Variants in MINK1 observed in about 807,000 individuals in gnomAD.
MINK1 encodes misshapen like kinase 1, also known as misshapen-like kinase 1.
MINK1 carries 46 observed loss-of-function variants against 178.4 expected under a neutral mutation model. That is an observed-to-expected ratio of 0.26 (90% CI 0.20 to 0.33). The LOEUF (loss-of-function observed/expected upper bound fraction) is 0.33, where lower values mean the gene tolerates loss of function less well. Ranked by LOEUF, MINK1 falls within the 10% of genes least tolerant of loss-of-function variation. The probability of loss-of-function intolerance (pLI) is 1.00; values close to 1 mark genes in which losing one functional copy is unlikely to be tolerated. For synonymous variants in MINK1, 797 were observed against 709.7 expected (o/e 1.12, Z -1.96); for missense variants, 1,366 against 1,814.9 (o/e 0.75, Z 4.49).
chr17:4,887,325 G>A lies in MINK1; in HGVS notation c.1019+146G>A. 2 of 876,442 alleles carry A rather than the reference G, an allele frequency of 2.3e-6. No individual in the cohort carries two copies. Among genetic ancestry groups the A allele is most frequent in the East Asian group, 5.3e-5 (2 of 37,670 alleles). The allele number at this position is 876,442 out of a possible 1,614,324, so 54.3% of individuals were successfully genotyped here. ...TGGAAACCAAATTTCTGAGTGCTAA[G>A]AAGTGGAACCAATGACTGAGCAAGA... On this transcript the variant is annotated intron_variant, in intron 11 of 31. Coordinates refer to ENST00000355280, the MANE Select transcript of MINK1 (RefSeq NM_153827.5). This position sits in a 1 kb window ranked among gnomAD's most constrained non-coding sequence, Gnocchi z 7.6.
chr17:4,841,051 A>C (rs1390036526), intron 1 of MINK1, among the ~76,000 whole-genome samples: 2 of 152,152 alleles, frequency 1.3e-5, no homozygotes, highest in Non-Finnish European at 2.9e-5. Flanking sequence ...GAGATAGCTG[A>C]GACCTCAGGT....
At chr17:4,893,215 T>TC (rs1567620051) in intron 20 of MINK1, 148 bp downstream of exon 20, 6 of 1,593,272 alleles carry the variant, frequency 3.8e-6, no homozygotes, top group African/African-American at 2.7e-5. Context: ...GTGCTAACCT[T>TC]TCCTAACCTC....
intron 1 of MINK1, among the ~76,000 whole-genome samples, chr17:4,843,940 G>A (rs950699958): frequency 1.3e-5 from 2 of 152,068 alleles, no homozygotes; most frequent in Non-Finnish European, 2.9e-5. Context: ...AGGACAGGAG[G>A]GCAGTGTGTA....
At chr17:4,897,172 C>T in intron 31 of MINK1, 32 bp from the exon 32 acceptor site, 1 of 1,595,806 alleles carries the variant, frequency 6.3e-7, no homozygotes, top group Non-Finnish European at 8.6e-7. Context: ...CCAACCTCAG[C>T]CCTTGGTGAC....
chr17:4,862,382 C>T (rs777329861), intron 1 of MINK1, among the ~76,000 whole-genome samples: 1 of 151,948 alleles, frequency 6.6e-6, no homozygotes, highest in East Asian at 1.9e-4. Context: ...GGGCCAGGCA[C>T]GGTGGCTCAC....
intron 1 of MINK1, among the ~76,000 whole-genome samples, chr17:4,851,664 G>A (rs1474151945): frequency 2.0e-5 from 3 of 151,792 alleles, no homozygotes; most frequent in Non-Finnish European, 2.9e-5. Context: ...TAGTGTTCCC[G>A]TGTGGTTTTT....
chr17:4,877,912 G>A (rs1195533671), intron 1 of MINK1, among the ~76,000 whole-genome samples: 2 of 149,130 alleles, frequency 1.3e-5, no homozygotes, highest in East Asian at 2.0e-4. Context: ...CCAGGTTCAC[G>A]CCATTCTCCT....
intron 2 of MINK1, among the ~76,000 whole-genome samples, chr17:4,880,349 G>A (rs150230341): frequency 0.013 from 1,871 of 149,302 alleles, 33 homozygotes; most frequent in African/African-American, 0.042. Context: ...CCAGGTGGGA[G>A]TGCAGTGGCA....
chr17:4,896,931 G>A lies in MINK1; in HGVS notation c.3915+118G>A. ...GGCTTCCTGAAAGCGGGCCCCTCTGGGAGCTCAGAGGGCAGTCAGCCACTA... is the reference window on the plus strand; with the variant it reads ...GGCTTCCTGAAAGCGGGCCCCTCTGAGAGCTCAGAGGGCAGTCAGCCACTA... On this transcript the variant is annotated intron_variant, in intron 31 of 31. Transcript: ENST00000355280. This position sits in a 1 kb window ranked among gnomAD's most constrained non-coding sequence, Gnocchi z 4.6. The A allele has an allele frequency of 2.2e-6, 3 of 1,344,080 alleles. No individual in the cohort carries two copies. The highest frequency in any genetic ancestry group is 2.5e-5 in the East Asian group (1 of 39,556). The allele number at this position is 1,344,080 out of a possible 1,614,324, so 83.3% of individuals were successfully genotyped here. A position where few individuals can be genotyped will look rare whatever the true frequency, so the allele number is the denominator to read the frequency against.
chr17:4,863,532 G>C (rs978788841), intron 1 of MINK1, among the ~76,000 whole-genome samples: 1 of 152,110 alleles, frequency 6.6e-6, no homozygotes, highest in South Asian at 2.1e-4. Flanking sequence ...TGGAAAACCC[G>C]GTCCTTTAGG....
At chr17:4,866,388 A>C (rs1914967036) in intron 1 of MINK1, among the ~76,000 whole-genome samples, 1 of 151,434 alleles carries the variant, frequency 6.6e-6, no homozygotes. Context: ...AATCGCTTGA[A>C]CTAGGAAGTT....
intron 1 of MINK1, among the ~76,000 whole-genome samples, chr17:4,871,960 C>T (rs1915908200): frequency 6.6e-6 from 1 of 152,154 alleles, no homozygotes; most frequent in African/African-American, 2.4e-5. Context: ...GATCCTCCTG[C>T]CTCAGCCTCC....
chr17:4,889,715 G>A lies in MINK1; in HGVS notation c.1299G>A (p.Met433Ile). 16 of 1,554,416 alleles carry A rather than the reference G, an allele frequency of 1.0e-5. No homozygotes were observed. The highest frequency in any genetic ancestry group is 1.3e-5 in the Non-Finnish European group (15 of 1,152,162). The change falls in exon 13 of 32, where the codon ATG becomes ATA. Residue 433 changes from methionine (M) to isoleucine (I), a missense_variant. Met to Ile is a conservative substitution (Grantham distance 10). Transcript: ENST00000355280. Reference protein sequence around the residue: ...EKEQQRRLEDMQALRREEERR... With the variant: ...EKEQQRRLEDIQALRREEERR... ...AGCAGCAGCGGCGGCTGGAGGACAT[G>A]CAGGCTCTGCGGCGGGAGGAGGAGC...
In MINK1 at chr17:4,886,103, G is replaced by T; in HGVS notation, c.695-17G>T. The stretch of plus-strand genomic sequence containing the variant: ...CAGTGCAGTGAAAGGGACTGAGGGT[G>T]TCTCCTCTGTGTCCAGCTCTGTGTG... On this transcript the variant is annotated splice_polypyrimidine_tract_variant and intron_variant, in intron 8 of 31. Coordinates refer to ENST00000355280, the MANE Select transcript of MINK1 (RefSeq NM_153827.5). This position sits in a 1 kb window ranked among gnomAD's most constrained non-coding sequence, Gnocchi z 6.1. The T allele has an allele frequency of 6.2e-7, 1 of 1,613,500 alleles. No homozygotes were observed. The highest frequency in any genetic ancestry group is 8.5e-7 in the Non-Finnish European group (1 of 1,179,458).
rs757792390 is a variant in MINK1 at position 4,895,960 on chromosome 17, C to A, written c.3365-43C>A. 6.4e-7 allele frequency: 1 copy of A among 1,570,296 alleles called. No homozygotes were observed. Among genetic ancestry groups the A allele is most frequent in the Non-Finnish European group, 8.6e-7 (1 of 1,157,938 alleles). ...AGACCACGGGGAGGCGCCCGTGGCG[C>A]AAGAAGGGAAGTCTCAGCATCCCTC... is the stretch of plus-strand genomic sequence containing the variant. On this transcript the variant is annotated intron_variant, in intron 27 of 31. Transcript: ENST00000355280. This position sits in a 1 kb window ranked among gnomAD's most constrained non-coding sequence, Gnocchi z 4.3.
At chr17:4,880,844 G>A in intron 2 of MINK1, 140 bp from the exon 3 acceptor site, 1 of 729,370 alleles carries the variant, frequency 1.4e-6, no homozygotes, top group East Asian at 3.0e-5. Context: ...AGCAGGCAGT[G>A]AGCCGAGATC....
In MINK1 at chr17:4,887,444, C is replaced by A; in HGVS notation, c.1020-136C>A. The A allele has an allele frequency of 1.2e-6, 1 of 860,368 alleles. No individual in the cohort carries two copies. 53.3% of individuals were successfully genotyped at this position (860,368 alleles called of 1,614,324 possible). A position where few individuals can be genotyped will look rare whatever the true frequency, so the allele number is the denominator to read the frequency against. On this transcript the variant is annotated intron_variant, in intron 11 of 31. Coordinates refer to ENST00000355280, the MANE Select transcript of MINK1 (RefSeq NM_153827.5). This position sits in a 1 kb window ranked among gnomAD's most constrained non-coding sequence, Gnocchi z 7.6. Reference sequence around the variant, plus strand: ...GACTGGGCAGAAGGGGACGGTAAGTCTCCTGGCCACCTGGGAGTGGCCAGA... The same window carrying A: ...GACTGGGCAGAAGGGGACGGTAAGTATCCTGGCCACCTGGGAGTGGCCAGA...
rs1413107464 is a variant in MINK1 at position 4,885,403 on chromosome 17, C to T, written c.509-80C>T. 3.2e-6 allele frequency: 5 copies of T among 1,568,950 alleles called. No homozygotes were observed. The highest frequency in any genetic ancestry group is 2.6e-6 in the Non-Finnish European group (3 of 1,152,980). Reference sequence around the variant, plus strand: ...AGGACCACAGCTGGCTCAGGCAAGTCCTGTGTGTGCACGCAGGGATGTGAG... The same window carrying T: ...AGGACCACAGCTGGCTCAGGCAAGTTCTGTGTGTGCACGCAGGGATGTGAG... On this transcript the variant is annotated intron_variant, in intron 6 of 31. Coordinates refer to ENST00000355280, the MANE Select transcript of MINK1 (RefSeq NM_153827.5). The surrounding 1 kb of genome is among the most constrained non-coding windows in gnomAD (Gnocchi z 5.0).
chr17:4,844,253 G>A (rs1289194577), intron 1 of MINK1, among the ~76,000 whole-genome samples: 3 of 152,006 alleles, frequency 2.0e-5, no homozygotes, highest in Admixed American at 6.6e-5. Context: ...CACCCACCTC[G>A]GCCTCCCAAA....
Sources: gnomAD v4.1 joint callset for allele counts (sites outside exome capture counted in the v4.1 genomes callset) on GRCh38, gnomAD v4.1.1 for gene constraint, Gnocchi (gnomAD v3.1) non-coding constraint, MANE v1.5 for transcripts, NCBI Gene and HGNC (gene_info 2026-07-23, HGNC 2026-07-21) for gene names.